The following SLCO3A1 variants were observed in gnomAD, a reference collection of about 807,000 sequenced individuals.
SLCO3A1 encodes PGE1 transporter.
A neutral mutation model predicts 63.1 loss-of-function variants in SLCO3A1; 27 were observed. The ratio of observed to expected loss-of-function variants is 0.43; its 90% CI spans 0.32 to 0.59. The LOEUF is 0.59. SLCO3A1 is among the 20% of genes least tolerant of loss of function. The pLI, the probability that SLCO3A1 is intolerant of heterozygous loss-of-function variation, is 0.09. For synonymous variants in SLCO3A1, 473 were observed against 409.9 expected, an observed-to-expected ratio of 1.15 and a Z score of -1.86; for missense variants, 773 against 945.8, an observed-to-expected ratio of 0.82 and a Z score of 2.40.
At chr15:92,032,652 G>A (rs1473901707) in intron 2 of SLCO3A1, among the ~76,000 whole-genome samples, 1 of 152,148 alleles carries the variant, frequency 6.6e-6, no homozygotes, top group Non-Finnish European at 1.5e-5. Flanking sequence ...CCTGGGTGCG[G>A]TGATTGGGTA....
At chr15:91,873,248 C>T (rs1384319763) in intron 1 of SLCO3A1, among the ~76,000 whole-genome samples, 1 of 152,190 alleles carries the variant, frequency 6.6e-6, no homozygotes, top group Non-Finnish European at 1.5e-5. Context: ...CATCTATTTA[C>T]TGTGGGTGTC....
In SLCO3A1 at chr15:92,047,033, T is replaced by TATATAAATATATATATA. The variant is rs1555427525; in HGVS notation, c.647-47843_647-47842insAATATATATATAATATA. Among the ~76,000 whole-genome samples, 10 of 73,766 alleles carry TATATAAATATATATATA rather than the reference T, an allele frequency of 1.4e-4. 2 individuals are homozygous for TATATAAATATATATATA. The highest frequency in any genetic ancestry group is 5.2e-4 in the African/African-American group (10 of 19,060). 48.4% of individuals were successfully genotyped at this position (73,766 alleles called of 152,430 possible). A position where few individuals can be genotyped will look rare whatever the true frequency, so the allele number is the denominator to read the frequency against. ...AATATATATATAATATATAAATATA[T>TATATAAATATATATATA]ATATATAAATATATATATAATATAT... On this transcript the variant is annotated intron_variant, in intron 2 of 9. Coordinates refer to ENST00000318445, the MANE Select transcript of SLCO3A1 (RefSeq NM_013272.4).
intron 2 of SLCO3A1, among the ~76,000 whole-genome samples, chr15:91,933,396 C>T (rs1243347498): frequency 6.6e-6 from 1 of 152,100 alleles, no homozygotes; most frequent in Non-Finnish European, 1.5e-5. Flanking sequence ...TGGAAGTAAT[C>T]AATTTTTCTT....
At chr15:91,868,547 G>C (rs1004759519) in intron 1 of SLCO3A1, among the ~76,000 whole-genome samples, 2 of 152,116 alleles carry the variant, frequency 1.3e-5, no homozygotes, top group Non-Finnish European at 2.9e-5. Flanking sequence ...CCGTCTACCT[G>C]CATTGATGCG....
At chr15:92,066,707 A>T (rs973512111) in intron 2 of SLCO3A1, among the ~76,000 whole-genome samples, 5 of 152,180 alleles carry the variant, frequency 3.3e-5, no homozygotes, top group African/African-American at 1.2e-4. Flanking sequence ...AGCAAATGAG[A>T]CACCGCACGG....
At chr15:91,904,990 T>G (rs1310493183) in intron 1 of SLCO3A1, among the ~76,000 whole-genome samples, 1 of 152,168 alleles carries the variant, frequency 6.6e-6, no homozygotes, top group Non-Finnish European at 1.5e-5. Flanking sequence ...TTGTAAGCAG[T>G]ACAGTCCTAT....
rs767466440 is a variant in SLCO3A1, at chr15:92,147,029, G to A, written c.1558G>A (p.Ala520Thr). 5.0e-5 allele frequency: 80 copies of A among 1,613,986 alleles called. No homozygotes were observed. Among genetic ancestry groups the A allele is most frequent in the Admixed American group, 1.5e-4 (9 of 59,994 alleles). Reference protein sequence around the residue: ...ACLTTVPAENATVVPGKCPSP... With the variant: ...ACLTTVPAENTTVVPGKCPSP... ...CCTCACCACCGTCCCTGCTGAGAAC[G>A]CAACCGTGGTTCCTGGAAAATGCCC... Residue 520 changes from alanine (A) to threonine (T), a missense_variant, in exon 8 of 10, where the codon GCA (alanine) becomes ACA (threonine). Coordinates refer to ENST00000318445, the MANE Select transcript of SLCO3A1 (RefSeq NM_013272.4).
intron 2 of SLCO3A1, among the ~76,000 whole-genome samples, chr15:92,079,274 G>C (rs2047314565): frequency 6.6e-6 from 1 of 152,124 alleles, no homozygotes; most frequent in Admixed American, 6.5e-5. Context: ...TCAAGTGTTG[G>C]CCCACATGAT....
rs917629646 is a variant in SLCO3A1, at chr15:91,941,520, G to A, written c.646+25062G>A. The A allele has an allele frequency of 2.2e-6, 1 of 455,774 alleles. No individual in the cohort carries two copies. Among genetic ancestry groups the A allele is most frequent in the African/African-American group, 2.0e-5 (1 of 50,046 alleles). 28.2% of individuals were successfully genotyped at this position (455,774 alleles called of 1,614,324 possible). ...TGAGTGACCTTGGCCAAGTTACCTA[G>A]CTTTTCTGAGCCTCACTTTCTTGGC... is the stretch of plus-strand genomic sequence containing the variant. On this transcript the variant is annotated intron_variant, in intron 2 of 9. Coordinates refer to ENST00000318445, the MANE Select transcript of SLCO3A1 (RefSeq NM_013272.4). The surrounding 1 kb of genome is among the most constrained non-coding windows in gnomAD (Gnocchi z 4.4).
At chr15:91,880,665 T>G (rs1429714618) in intron 1 of SLCO3A1, among the ~76,000 whole-genome samples, 1 of 152,032 alleles carries the variant, frequency 6.6e-6, no homozygotes, top group African/African-American at 2.4e-5. Context: ...TCCCTTGAGA[T>G]CCATCCAAGT....
chr15:92,153,248 A>AC (rs1286012158), intron 9 of SLCO3A1, among the ~76,000 whole-genome samples: 1 of 152,044 alleles, frequency 6.6e-6, no homozygotes, highest in Non-Finnish European at 1.5e-5. Context: ...AAACAAACAA[A>AC]AAAAAAAAAT....
intron 2 of SLCO3A1, among the ~76,000 whole-genome samples, chr15:92,066,571 A>G (rs2047154742): frequency 1.3e-5 from 2 of 152,194 alleles, no homozygotes; most frequent in African/African-American, 4.8e-5. Flanking sequence ...TCAAGTCCAT[A>G]TTCTTCTATT....
At chr15:92,127,690 C>T (rs1268452779) in intron 6 of SLCO3A1, among the ~76,000 whole-genome samples, 2 of 152,056 alleles carry the variant, frequency 1.3e-5, no homozygotes, top group African/African-American at 4.8e-5. Flanking sequence ...TTTCAGTTTG[C>T]TTGCTCTAGA....
chr15:91,914,626 G>GTT (rs1185786648), intron 1 of SLCO3A1, among the ~76,000 whole-genome samples: 2 of 145,250 alleles, frequency 1.4e-5, no homozygotes, highest in African/African-American at 5.1e-5. Flanking sequence ...CTGGAGTGCA[G>GTT]TGGTGTGATC....
chr15:92,131,332 C>T (rs1412784326), intron 7 of SLCO3A1, among the ~76,000 whole-genome samples: 1 of 149,634 alleles, frequency 6.7e-6, no homozygotes, highest in East Asian at 1.9e-4. Flanking sequence ...CTGGCTGCCT[C>T]TCCAGCCTCA....
intron 2 of SLCO3A1, among the ~76,000 whole-genome samples, chr15:91,917,315 C>T (rs983713884): frequency 2.2e-4 from 33 of 152,114 alleles, no homozygotes; most frequent in African/African-American, 7.7e-4. Context: ...CTTTATGCCT[C>T]CCAAAAGCAA....
At chr15:92,110,732 G>T (rs964085749) in intron 4 of SLCO3A1, among the ~76,000 whole-genome samples, 1 of 152,212 alleles carries the variant, frequency 6.6e-6, no homozygotes, top group African/African-American at 2.4e-5. Flanking sequence ...GACTGCAGTT[G>T]TTTTTTCTCA....
intron 1 of SLCO3A1, among the ~76,000 whole-genome samples, chr15:91,902,935 G>A (rs1898196682): frequency 1.3e-5 from 2 of 152,210 alleles, no homozygotes; most frequent in Admixed American, 6.5e-5. Flanking sequence ...AATAATAATA[G>A]TACTTACGTA....
At chr15:91,945,978 C>A (rs561509525) in intron 2 of SLCO3A1, among the ~76,000 whole-genome samples, 1 of 152,332 alleles carries the variant, frequency 6.6e-6, no homozygotes, top group Admixed American at 6.5e-5. Context: ...ACACTCATCC[C>A]TTTTCCCTCT....
Sources: gnomAD v4.1 joint callset for allele counts (sites outside exome capture counted in the v4.1 genomes callset) on GRCh38, gnomAD v4.1.1 for gene constraint, Gnocchi (gnomAD v3.1) non-coding constraint, MANE v1.5 for transcripts, NCBI Gene and HGNC (gene_info 2026-07-23, HGNC 2026-07-21) for gene names.